VWA3B: variants seen among roughly 807,000 people sequenced by gnomAD.
VWA3B encodes von Willebrand factor A domain containing 3B, also known as von Willebrand factor A domain-containing protein 3B.
In VWA3B, 138 loss-of-function variants were observed where a neutral mutation model predicts 158.3. That is an observed-to-expected ratio of 0.87 (90% CI 0.76 to 1.00). The LOEUF is 1.00. VWA3B is among the 50% of genes least tolerant of loss of function. The pLI, the probability that VWA3B is intolerant of heterozygous loss-of-function variation, is 0.00. For missense variants in VWA3B, 1,555 were observed against 1,565.1 expected (o/e 0.99, Z 0.11); for synonymous variants, 596 against 587.3 (o/e 1.01, Z -0.21).
chr2:98,228,113 C>T (rs1456108279), intron 14 of VWA3B, 89 bp from the exon 15 acceptor site: 1 of 1,436,534 alleles, frequency 7.0e-7, no homozygotes, highest in Non-Finnish European at 9.3e-7. Context: ...ACATAGTGAA[C>T]CTCTTGTCTC....
intron 21 of VWA3B, 32 bp downstream of exon 21, chr2:98,256,206 T>TC: frequency 6.2e-7 from 1 of 1,605,956 alleles, no homozygotes. Flanking sequence ...TCACTTTTTT[T>TC]TTTTGGTGAA....
chr2:98,148,149 T>A (rs2105147759), intron 7 of VWA3B, among the ~76,000 whole-genome samples: 1 of 152,336 alleles, frequency 6.6e-6, no homozygotes, highest in South Asian at 2.1e-4. Context: ...GTGAAAATAC[T>A]GAATCAAAAT....
At chr2:98,180,781 G>A (rs1184418496) in intron 8 of VWA3B, among the ~76,000 whole-genome samples, 1 of 152,228 alleles carries the variant, frequency 6.6e-6, no homozygotes, top group East Asian at 1.9e-4. Context: ...GAAATAAAAA[G>A]TAACCCTGCT....
chr2:98,330,048 G>A, the VWA3B span, among the ~76,000 whole-genome samples: 3 of 152,152 alleles, frequency 2.0e-5, no homozygotes, highest in Non-Finnish European at 4.4e-5. Flanking sequence ...GAGAACTAAG[G>A]CAGAAACATC....
intron 5 of VWA3B, among the ~76,000 whole-genome samples, chr2:98,122,706 G>A (rs937875221): frequency 2.0e-5 from 3 of 152,196 alleles, no homozygotes; most frequent in Non-Finnish European, 2.9e-5. Context: ...GGTCACAGCT[G>A]CCTGTGGCCC....
At chr2:98,151,442 T>A (rs796389501) in intron 7 of VWA3B, among the ~76,000 whole-genome samples, 37 of 152,352 alleles carry the variant, frequency 2.4e-4, no homozygotes, top group African/African-American at 7.9e-4. Context: ...ATGCATGAGC[T>A]TGAGCTGAGG....
chr2:98,241,214 G>C (rs1415243261), intron 19 of VWA3B, among the ~76,000 whole-genome samples: 2 of 152,100 alleles, frequency 1.3e-5, no homozygotes, highest in African/African-American at 4.8e-5. Flanking sequence ...CCCAGGCAGT[G>C]GGGGAGCTTG....
chr2:98,173,326 A>G (rs1194296916), intron 8 of VWA3B, among the ~76,000 whole-genome samples: 1 of 152,228 alleles, frequency 6.6e-6, no homozygotes, highest in African/African-American at 2.4e-5. Context: ...ATGCCTTTAT[A>G]TATGTAGAGC....
At chr2:98,142,892 C>G (rs376079274) in intron 7 of VWA3B, among the ~76,000 whole-genome samples, 93 of 152,140 alleles carry the variant, frequency 6.1e-4, no homozygotes, top group African/African-American at 2.1e-3. Context: ...CGGAATGGAG[C>G]GAGTCCAAAT....
intron 10 of VWA3B, among the ~76,000 whole-genome samples, chr2:98,192,505 G>T (rs1337543659): frequency 6.6e-6 from 1 of 152,178 alleles, no homozygotes; most frequent in Non-Finnish European, 1.5e-5. Context: ...CATCAGTTAA[G>T]GCAGGAACAG....
chr2:98,234,036 A>T (rs939926182), intron 16 of VWA3B, among the ~76,000 whole-genome samples: 4 of 152,266 alleles, frequency 2.6e-5, no homozygotes, highest in Non-Finnish European at 5.9e-5. Context: ...ATAAGCAAAG[A>T]TCTGGACAGC....
At chr2:98,215,652 G>A (rs1683923224) in intron 13 of VWA3B, among the ~76,000 whole-genome samples, 1 of 151,592 alleles carries the variant, frequency 6.6e-6, no homozygotes, top group South Asian at 2.1e-4. Context: ...CCAGCAGCTG[G>A]GACTACAGGC....
chr2:98,186,846 G>C (rs1681108292), intron 9 of VWA3B, among the ~76,000 whole-genome samples: 1 of 152,028 alleles, frequency 6.6e-6, no homozygotes, highest in Non-Finnish European at 1.5e-5. Flanking sequence ...TCTCGTGAAA[G>C]CCCTGGGAAG....
chr2:98,307,210 C>G (rs1690579031), intron 26 of VWA3B, among the ~76,000 whole-genome samples: 2 of 152,224 alleles, frequency 1.3e-5, no homozygotes, highest in South Asian at 4.1e-4. Context: ...CATTTTTATA[C>G]TTTCTGCAGA....
Position 98,216,986 on chromosome 2 carries a change from G to T in VWA3B, c.1837-860G>T, listed in dbSNP as rs62156666. The T allele has an allele frequency of 6.4e-4, 805 of 1,265,480 alleles. 27 individuals are homozygous for T. Among genetic ancestry groups the T allele is most frequent in the East Asian group, 1.7e-4 (3 of 17,556 alleles). The allele number at this position is 1,265,480 out of a possible 1,614,324, so 78.4% of individuals were successfully genotyped here. Reference sequence around the variant, plus strand: ...GTCATGTGTATCATTGTAAGCACCCGCCCCGCACCCAGTCTCAGGTGGTCC... The same window carrying T: ...GTCATGTGTATCATTGTAAGCACCCTCCCCGCACCCAGTCTCAGGTGGTCC... On this transcript the variant is annotated intron_variant, in intron 13 of 27. Coordinates refer to ENST00000477737, the MANE Select transcript of VWA3B (RefSeq NM_144992.5).
chr2:98,211,006 C>T (rs1683461417), intron 12 of VWA3B, among the ~76,000 whole-genome samples: 1 of 152,174 alleles, frequency 6.6e-6, no homozygotes, highest in South Asian at 2.1e-4. Flanking sequence ...CCAGTGCCAG[C>T]GAGGAAAGCC....
At chr2:98,320,829 T>TG in the VWA3B span, among the ~76,000 whole-genome samples, 1 of 152,230 alleles carries the variant, frequency 6.6e-6, no homozygotes, top group Non-Finnish European at 1.5e-5. Context: ...CGCCATTTTC[T>TG]GGGGAGAAAT....
In VWA3B at chr2:98,188,085, G is replaced by A. The variant is rs1377562995; in HGVS notation, c.1422G>A (p.Trp474Ter). 6.2e-7 allele frequency: 1 copy of A among 1,613,910 alleles called. No homozygotes were observed. The highest frequency in any genetic ancestry group is 8.5e-7 in the Non-Finnish European group (1 of 1,179,906). Residue 474 changes from tryptophan (W) to a stop codon, truncating the protein, a stop_gained, in exon 10 of 28, where the codon TGG becomes TGA. Coordinates refer to ENST00000477737, the MANE Select transcript of VWA3B (RefSeq NM_144992.5). LOFTEE classifies it high-confidence loss of function. ...ACATTACCAAAGAGAAGTGCAAGTG[G>A]TACAGTGAGAGAATCCACACAGCCC... ...HVNITKEKCKWYSERIHTALA... is the reference protein window; with the variant it reads ...HVNITKEKCK
chr2:98,210,283 C>A (rs1683400799), intron 12 of VWA3B, among the ~76,000 whole-genome samples: 1 of 152,126 alleles, frequency 6.6e-6, no homozygotes, highest in Non-Finnish European at 1.5e-5. Context: ...TAAGAGTCTT[C>A]CCTGCTGTCT....
Sources: allele counts gnomAD v4.1 joint callset (sites outside exome capture counted in the v4.1 genomes callset), GRCh38; gene constraint gnomAD v4.1.1; transcripts MANE v1.5; gene names NCBI Gene and HGNC (gene_info 2026-07-23, HGNC 2026-07-21).